The following FRMD4B variants were observed in gnomAD, a reference collection of about 807,000 sequenced individuals.
The protein encoded by FRMD4B is FERM domain-containing protein 4B.
FRMD4B carries 74 observed loss-of-function variants against 141.5 expected under a neutral mutation model. That is an observed-to-expected ratio of 0.52 (90% CI 0.43 to 0.63). The LOEUF (loss-of-function observed/expected upper bound fraction) is 0.63, where lower values mean the gene tolerates loss of function less well. Among genes scored for constraint, FRMD4B ranks in the 30% least tolerant of loss-of-function variants. The pLI is 0.00. For synonymous variants in FRMD4B, 506 were observed against 467.9 expected, an observed-to-expected ratio of 1.08 and a Z score of -1.05; for missense variants, 1,366 against 1,253.4, an observed-to-expected ratio of 1.09 and a Z score of -1.36.
Position 69,251,634 on chromosome 3 carries a change from T to C in FRMD4B, c.502-1535A>G, listed in dbSNP as rs923560947. 3.5e-4 allele frequency among the ~76,000 whole-genome samples: 54 copies of C among 152,334 alleles called. 1 individual carries two copies. Among genetic ancestry groups the C allele is most frequent in the Middle Eastern group, 6.8e-3 (2 of 294 alleles). Reference sequence around the variant, plus strand: ...CTGAAACCTGAGGAGAGGATCTGCTTCAAAGTTTATTGCCTCAAAAGCTGA... The same window carrying C: ...CTGAAACCTGAGGAGAGGATCTGCTCCAAAGTTTATTGCCTCAAAAGCTGA... On this transcript the variant is annotated intron_variant, in intron 5 of 22. Transcript: ENST00000398540.
chr3:69,203,524 G>A (rs2092993358), intron 11 of FRMD4B, among the ~76,000 whole-genome samples: 1 of 150,374 alleles, frequency 6.7e-6, no homozygotes. Context: ...GCAAGTAATG[G>A]ACAGAGCCCT....
intron 1 of FRMD4B, among the ~76,000 whole-genome samples, chr3:69,526,978 T>C (rs1413499282): frequency 6.6e-6 from 1 of 152,178 alleles, no homozygotes; most frequent in Non-Finnish European, 1.5e-5. Flanking sequence ...AAACTTCAAA[T>C]TCCCAGGTCT....
chr3:69,430,027 C>T lies in FRMD4B; in HGVS notation c.-1+2607G>A, dbSNP rs558634326. Among the ~76,000 whole-genome samples, 176 of 152,202 alleles carry T rather than the reference C, an allele frequency of 1.2e-3. 1 individual carries two copies. The highest frequency in any genetic ancestry group is 3.4e-3 in the Middle Eastern group (1 of 294). ...CCACCCACCTCAGCCTCCCAAAGTG[C>T]TGGGATTACAGGCATGAGCCACCAT... On this transcript the variant is annotated intron_variant, in intron 2 of 5. Coordinates refer to the FRMD4B transcript ENST00000459638.
chr3:69,371,684 T>A (rs1025885149), intron 1 of FRMD4B, among the ~76,000 whole-genome samples: 3 of 152,052 alleles, frequency 2.0e-5, no homozygotes, highest in African/African-American at 4.8e-5. Flanking sequence ...GCCAAAGGGA[T>A]TTGCTGATGG....
intron 5 of FRMD4B, among the ~76,000 whole-genome samples, chr3:69,285,429 C>T (rs1025680934): frequency 7.2e-6 from 1 of 139,486 alleles, no homozygotes; most frequent in African/African-American, 2.6e-5. Context: ...GAAGAAATAA[C>T]GGCTAAAATG....
In FRMD4B at chr3:69,449,311, CATG is replaced by C. The variant is rs1234922550; in HGVS notation, c.-128-16553_-128-16551del. Among the ~76,000 whole-genome samples, 5 of 152,310 alleles carry C rather than the reference CATG, an allele frequency of 3.3e-5. No individual in the cohort carries two copies. In the South Asian group the frequency reaches 8.3e-4, roughly 25 times the overall value. On this transcript the variant is annotated intron_variant, in intron 1 of 5. Transcript: ENST00000459638. Reference sequence around the variant, plus strand: ...ATGTCAAGTCCTGCATGAAGACGTGCATGATGACAACGAAGATTGTGTTCTAAC... The same window carrying C: ...ATGTCAAGTCCTGCATGAAGACGTGCATGACAACGAAGATTGTGTTCTAAC...
intron 4 of FRMD4B, among the ~76,000 whole-genome samples, chr3:69,301,764 A>G (rs1701226358): frequency 1.3e-5 from 2 of 152,256 alleles, no homozygotes; most frequent in Admixed American, 1.3e-4. Flanking sequence ...TGACTTGCCC[A>G]AGCAAACCTC....
In FRMD4B at chr3:69,408,291, G is replaced by A. The variant is rs557753043; in HGVS notation, c.-1+24343C>T. Among the ~76,000 whole-genome samples the A allele has an allele frequency of 9.2e-5, 14 of 152,304 alleles. No homozygotes were observed. In the East Asian group the frequency reaches 2.5e-3, roughly 27 times the overall value. On this transcript the variant is annotated intron_variant, in intron 2 of 5. Coordinates refer to the FRMD4B transcript ENST00000459638. ...AATCCTGAAGTCATGAGGCCTGAAAGGTTCTTTTCAATTAATAGTCTGTAA... is the reference window on the plus strand; with the variant it reads ...AATCCTGAAGTCATGAGGCCTGAAAAGTTCTTTTCAATTAATAGTCTGTAA...
At chr3:69,267,034 G>A (rs1386266890) in intron 5 of FRMD4B, among the ~76,000 whole-genome samples, 2 of 152,184 alleles carry the variant, frequency 1.3e-5, no homozygotes, top group Admixed American at 1.3e-4. Flanking sequence ...TTGGTGTATT[G>A]CAGATACCTG....
At position 69,304,416 on chromosome 3, in the gene FRMD4B, G is replaced by A. The variant is rs763940887; in HGVS notation, c.324-1981C>T. Reference sequence around the variant, plus strand: ...GGAGAATCACTTGAAGCCAGAAGGCGGAGGTTGCAGTGAGCCGAGGTCATG... The same window carrying A: ...GGAGAATCACTTGAAGCCAGAAGGCAGAGGTTGCAGTGAGCCGAGGTCATG... On this transcript the variant is annotated intron_variant, in intron 3 of 22. Coordinates refer to ENST00000398540, the MANE Select transcript of FRMD4B (RefSeq NM_015123.3). 2.0e-5 allele frequency among the ~76,000 whole-genome samples: 3 copies of A among 150,302 alleles called. No homozygotes were observed. In the East Asian group the frequency reaches 5.9e-4, roughly 29 times the overall value.
intron 1 of FRMD4B, among the ~76,000 whole-genome samples, chr3:69,487,811 G>C (rs1383468671): frequency 6.6e-6 from 1 of 152,186 alleles, no homozygotes; most frequent in East Asian, 1.9e-4. Flanking sequence ...GAGAGAGGAA[G>C]CATGAACCTG....
At chr3:69,188,583 C>G (rs1044081881) in intron 18 of FRMD4B, among the ~76,000 whole-genome samples, 1 of 151,570 alleles carries the variant, frequency 6.6e-6, no homozygotes, top group Admixed American at 6.6e-5. Context: ...AGGTGAAACC[C>G]CGTCTCTACT....
intron 1 of FRMD4B, among the ~76,000 whole-genome samples, chr3:69,341,162 G>C (rs1454524634): frequency 6.6e-6 from 1 of 152,146 alleles, no homozygotes; most frequent in Non-Finnish European, 1.5e-5. Context: ...GAGGCTCCTT[G>C]GACCTCAGTG....
chr3:69,271,399 A>G lies in FRMD4B; in HGVS notation c.501+16353T>C, dbSNP rs116402362. On this transcript the variant is annotated intron_variant, in intron 5 of 22. Transcript: ENST00000398540. ...ATCTTTGGGCCTCAGTTTTTTATCT[A>G]TGAAAAGGAGGAACAATGATCTTCT... is the stretch of plus-strand genomic sequence containing the variant. 2.8e-3 allele frequency among the ~76,000 whole-genome samples: 432 copies of G among 152,320 alleles called. 1 individual carries two copies. The highest frequency in any genetic ancestry group is 0.01 in the African/African-American group (420 of 41,560).
intron 5 of FRMD4B, among the ~76,000 whole-genome samples, chr3:69,258,366 T>C (rs1318038559): frequency 6.6e-6 from 1 of 152,216 alleles, no homozygotes; most frequent in African/African-American, 2.4e-5. Flanking sequence ...TTGTTACTCA[T>C]GTAATCATCA....
At chr3:69,310,913 G>A (rs566804341) in intron 3 of FRMD4B, among the ~76,000 whole-genome samples, 3 of 152,234 alleles carry the variant, frequency 2.0e-5, no homozygotes, top group East Asian at 1.9e-4. Flanking sequence ...CATCCACTCA[G>A]TTTCAAGATG....
chr3:69,363,740 T>C (rs1040565699), intron 1 of FRMD4B, among the ~76,000 whole-genome samples: 1 of 152,152 alleles, frequency 6.6e-6, no homozygotes, highest in East Asian at 1.9e-4. Flanking sequence ...TGGCTCCCCA[T>C]TGACCAGAGC....
In FRMD4B at chr3:69,215,211, T is replaced by G. The variant is rs767155632; in HGVS notation, c.876+1052A>C. The stretch of plus-strand genomic sequence containing the variant: ...GAATTTTTTTAAAAAAACAGCTTCA[T>G]AGTAAAATTTTAAATGGACATTAAT... On this transcript the variant is annotated intron_variant, in intron 11 of 22. Coordinates refer to ENST00000398540, the MANE Select transcript of FRMD4B (RefSeq NM_015123.3). Among the ~76,000 whole-genome samples the G allele has an allele frequency of 8.1e-4, 121 of 149,408 alleles. 2 individuals carry two copies. The highest frequency in any genetic ancestry group is 3.6e-4 in the Non-Finnish European group (24 of 67,562).
In FRMD4B at chr3:69,176,654, A is replaced by G. The variant is rs752480807; in HGVS notation, c.2854T>C (p.Ser952Pro). 1.9e-6 allele frequency: 3 copies of G among 1,594,824 alleles called. No individual in the cohort carries two copies. In the Admixed American group the frequency reaches 5.1e-5, roughly 27 times the overall value. ...SSRASSYSSV[S>P]STNASGNWRT... The stretch of plus-strand genomic sequence containing the variant: ...CAGTTCCCAGAAGCATTTGTAGAAG[A>G]CACTGGAAATAAAAATGGAAAAAGA... Residue 952 changes from serine (S) to proline (P), a missense_variant and splice_region_variant, in exon 22 of 23, where the codon TCT becomes CCT. Physicochemically the swap from Ser to Pro is moderately conservative, Grantham distance 74. Coordinates refer to ENST00000398540, the MANE Select transcript of FRMD4B (RefSeq NM_015123.3).
Sources: gnomAD v4.1 joint callset for allele counts (sites outside exome capture counted in the v4.1 genomes callset) on GRCh38, gnomAD v4.1.1 for gene constraint, MANE v1.5 for transcripts, NCBI Gene and HGNC (gene_info 2026-07-23, HGNC 2026-07-21) for gene names.